The following RASAL2 variants were observed in gnomAD, a reference collection of about 807,000 sequenced individuals.
The protein encoded by RASAL2 is ras GTPase-activating protein nGAP.
RASAL2 carries 58 observed loss-of-function variants against 128.9 expected under a neutral mutation model. The observed-to-expected ratio is 0.45, with a 90% CI of 0.36 to 0.56. The LOEUF is 0.56. Ranked by LOEUF, RASAL2 falls within the 20% of genes least tolerant of loss-of-function variation. The pLI, the probability that RASAL2 is intolerant of heterozygous loss-of-function variation, is 0.00. For synonymous variants in RASAL2, 561 were observed against 580.8 expected (o/e 0.97, Z 0.49); for missense variants, 1,360 against 1,601.6 (o/e 0.85, Z 2.57).
At chr1:178,115,452 T>C (rs956858405) in intron 1 of RASAL2, among the ~76,000 whole-genome samples, 8 of 152,158 alleles carry the variant, frequency 5.3e-5, no homozygotes, top group Admixed American at 1.3e-4. Context: ...GGAAGTGACA[T>C]TTGTACTAAG....
At chr1:178,145,581 A>G (rs1441007302) in intron 1 of RASAL2, among the ~76,000 whole-genome samples, 2 of 151,424 alleles carry the variant, frequency 1.3e-5, no homozygotes, top group Admixed American at 6.6e-5. Flanking sequence ...GGGGGAGTAT[A>G]TTAGTTTTAA....
chr1:178,251,257 G>A (rs1255644775), intron 1 of RASAL2, among the ~76,000 whole-genome samples: 1 of 152,180 alleles, frequency 6.6e-6, no homozygotes, highest in Non-Finnish European at 1.5e-5. Flanking sequence ...ATCTGTGGGA[G>A]AAAGGTACTA....
At chr1:178,177,151 T>C (rs1661925131) in intron 1 of RASAL2, among the ~76,000 whole-genome samples, 1 of 152,192 alleles carries the variant, frequency 6.6e-6, no homozygotes, top group South Asian at 2.1e-4. Flanking sequence ...GAATTAAAAT[T>C]GCCATGCTGT....
chr1:178,306,428 G>A (rs1312698932), intron 3 of RASAL2, among the ~76,000 whole-genome samples: 2 of 152,142 alleles, frequency 1.3e-5, no homozygotes, highest in Non-Finnish European at 1.5e-5. Flanking sequence ...TGGGATGGCT[G>A]GGTCAAATGG....
chr1:178,099,207 C>T (rs1658801370), intron 1 of RASAL2, among the ~76,000 whole-genome samples: 1 of 152,166 alleles, frequency 6.6e-6, no homozygotes, highest in South Asian at 2.1e-4. Context: ...TCCTCAGGTA[C>T]TGTTAATTGA....
intron 5 of RASAL2, among the ~76,000 whole-genome samples, chr1:178,427,418 C>T (rs1389825457): frequency 1.3e-5 from 2 of 152,096 alleles, no homozygotes; most frequent in Non-Finnish European, 2.9e-5. Context: ...TAAAAACCTT[C>T]ACAGTAATGT....
At chr1:178,287,479 C>T (rs746766099) in intron 2 of RASAL2, among the ~76,000 whole-genome samples, 62 of 151,912 alleles carry the variant, frequency 4.1e-4, no homozygotes, top group Middle Eastern at 6.8e-3. Context: ...TAATCCTACT[C>T]CTGGCTATCT....
At chr1:178,187,968 G>A (rs1010952126) in intron 1 of RASAL2, among the ~76,000 whole-genome samples, 1 of 152,000 alleles carries the variant, frequency 6.6e-6, no homozygotes, top group Admixed American at 6.6e-5. Flanking sequence ...TAATACCAAT[G>A]TGTAACCCTT....
chr1:178,254,897 G>A (rs1180521179), intron 1 of RASAL2, among the ~76,000 whole-genome samples: 1 of 151,690 alleles, frequency 6.6e-6, no homozygotes, highest in Non-Finnish European at 1.5e-5. Context: ...TCAAGTACAA[G>A]GAGAAAATCT....
chr1:178,354,030 A>T (rs1670662236), intron 3 of RASAL2, among the ~76,000 whole-genome samples: 1 of 152,056 alleles, frequency 6.6e-6, no homozygotes, highest in Non-Finnish European at 1.5e-5. Flanking sequence ...AGTAAAAGAG[A>T]CTACACACAT....
chr1:178,110,610 C>T (rs1321800087), intron 1 of RASAL2, among the ~76,000 whole-genome samples: 3 of 132,174 alleles, frequency 2.3e-5, no homozygotes, highest in East Asian at 2.2e-4. Context: ...TGTATATATA[C>T]ACTATATACA....
chr1:178,300,518 G>A (rs1231540431), intron 3 of RASAL2, among the ~76,000 whole-genome samples: 1 of 152,150 alleles, frequency 6.6e-6, no homozygotes. Flanking sequence ...GTAGCTACTG[G>A]TGTTGTCTTA....
chr1:178,314,777 CACTT>C (rs1668422115), intron 3 of RASAL2, among the ~76,000 whole-genome samples: 1 of 152,070 alleles, frequency 6.6e-6, no homozygotes, highest in Admixed American at 6.5e-5. Context: ...AGCTTCCTCT[CACTT>C]TATTTATTTA....
chr1:178,314,619 T>C (rs1433699577), intron 3 of RASAL2, among the ~76,000 whole-genome samples: 1 of 152,158 alleles, frequency 6.6e-6, no homozygotes, highest in Non-Finnish European at 1.5e-5. Flanking sequence ...GAAATTATTA[T>C]GTTTACAATA....
At position 178,443,244 on chromosome 1, in the gene RASAL2, G is replaced by T; in HGVS notation, c.1482+15G>T. 6.4e-7 allele frequency: 1 copy of T among 1,574,606 alleles called. No individual in the cohort carries two copies. The highest frequency in any genetic ancestry group is 2.3e-5 in the East Asian group (1 of 44,428). On this transcript the variant is annotated intron_variant, in intron 8 of 17. Transcript: ENST00000367649. ...GCAGAGCCAAGGTAAGTGGAAAAGG[G>T]GGATTGCAGTACCTGAAGTCTCTTC...
intron 3 of RASAL2, among the ~76,000 whole-genome samples, chr1:178,382,150 A>G (rs1672319243): frequency 6.6e-6 from 1 of 152,210 alleles, no homozygotes; most frequent in African/African-American, 2.4e-5. Context: ...GCATTGAAAG[A>G]CATGGTTTAT....
intron 3 of RASAL2, among the ~76,000 whole-genome samples, chr1:178,362,511 C>T (rs1671176974): frequency 7.2e-6 from 1 of 138,524 alleles, no homozygotes; most frequent in African/African-American, 2.6e-5. Context: ...GTAAGAGTAT[C>T]TAAAATCTAC....
intron 2 of RASAL2, among the ~76,000 whole-genome samples, chr1:178,291,194 T>C (rs1025430785): frequency 1.3e-5 from 2 of 152,194 alleles, no homozygotes; most frequent in African/African-American, 2.4e-5. Context: ...CATATGTCTC[T>C]TTGGCAAACT....
At chr1:178,363,912 C>T (rs537991717) in intron 3 of RASAL2, among the ~76,000 whole-genome samples, 12 of 152,064 alleles carry the variant, frequency 7.9e-5, no homozygotes, top group Admixed American at 6.5e-4. Context: ...CTGGCTAACA[C>T]GGTGAAACCC....
Sources: allele counts gnomAD v4.1 joint callset (sites outside exome capture counted in the v4.1 genomes callset), GRCh38; gene constraint gnomAD v4.1.1; transcripts MANE v1.5; gene names NCBI Gene and HGNC (gene_info 2026-07-23, HGNC 2026-07-21).